Variants in UTRN observed in about 807,000 individuals in gnomAD.
The protein encoded by UTRN is utrophin.
Under a neutral mutation model 463.9 loss-of-function variants are expected in UTRN, and 283 were observed. That is an observed-to-expected ratio of 0.61 (90% confidence interval 0.55 to 0.67). The LOEUF is 0.67. UTRN is among the 30% of genes least tolerant of loss of function. The probability of loss-of-function intolerance (pLI) is 0.00; values close to 1 mark genes in which losing one functional copy is unlikely to be tolerated. For synonymous variants in UTRN, 1,442 were observed against 1,431.5 expected (o/e 1.01, Z -0.17); for missense variants, 3,922 against 4,084.3 (o/e 0.96, Z 1.08).
chr6:144,551,553 T>G (rs1373023645), intron 48 of UTRN, among the ~76,000 whole-genome samples: 1 of 152,208 alleles, frequency 6.6e-6, no homozygotes, highest in Non-Finnish European at 1.5e-5. Flanking sequence ...TTGGGGATAC[T>G]TTAGTTATAA....
intron 39 of UTRN, among the ~76,000 whole-genome samples, chr6:144,517,706 A>T (rs1795744281): frequency 6.6e-6 from 1 of 152,194 alleles, no homozygotes; most frequent in South Asian, 2.1e-4. Flanking sequence ...ACTGTGTTTC[A>T]GAATTGCCTA....
Position 144,285,511 on chromosome 6 carries a change from G to T in UTRN, c.-403G>T, listed in dbSNP as rs1021450618. Among the ~76,000 whole-genome samples the T allele has an allele frequency of 6.6e-5, 10 of 152,204 alleles. No individual in the cohort carries two copies. The highest frequency in any genetic ancestry group is 1.0e-4 in the Non-Finnish European group (7 of 68,028). ...AACTCTGTAGCGTTTGGCAAAGTTGGTGCCTGCGCGCCCCTTCCAGGTTTG... is the reference window on the plus strand; with the variant it reads ...AACTCTGTAGCGTTTGGCAAAGTTGTTGCCTGCGCGCCCCTTCCAGGTTTG... On this transcript the variant is annotated 5_prime_UTR_variant, in exon 1 of 75. Transcript: ENST00000367545.
intron 51 of UTRN, chr6:144,660,122 G>A: frequency 6.7e-6 from 3 of 448,794 alleles, no homozygotes; most frequent in Non-Finnish European, 1.4e-5. Flanking sequence ...ATTTTACAAA[G>A]GATTTTAAAG....
intron 33 of UTRN, among the ~76,000 whole-genome samples, chr6:144,497,375 G>C (rs13208080): frequency 6.6e-6 from 1 of 151,954 alleles, no homozygotes; most frequent in Admixed American, 6.6e-5. Context: ...TGAGATGGGT[G>C]CTGTAAGAAA....
At chr6:144,310,586 C>G (rs950691569) in intron 2 of UTRN, among the ~76,000 whole-genome samples, 1 of 146,698 alleles carries the variant, frequency 6.8e-6, no homozygotes, top group African/African-American at 2.5e-5. Flanking sequence ...CCTGTGGTCC[C>G]AGCTACCTGG....
intron 2 of UTRN, among the ~76,000 whole-genome samples, chr6:144,400,782 G>A (rs898681015): frequency 2.0e-5 from 3 of 152,112 alleles, no homozygotes; most frequent in Non-Finnish European, 4.4e-5. Flanking sequence ...TCGTTTACAG[G>A]CAAATAATTT....
At chr6:144,377,853 C>T (rs1035463465) in intron 2 of UTRN, among the ~76,000 whole-genome samples, 13 of 152,112 alleles carry the variant, frequency 8.5e-5, no homozygotes, top group Non-Finnish European at 1.3e-4. Context: ...ATTTCTTCAC[C>T]AAAAAATAAT....
At chr6:144,717,634 CTTTTTTT>C (rs869170852) in intron 53 of UTRN, among the ~76,000 whole-genome samples, 47 of 70,096 alleles carry the variant, frequency 6.7e-4, no homozygotes, top group African/African-American at 8.3e-4. Flanking sequence ...TTTCTTTTTT[CTTTTTTT>C]TTTTTTTTTT....
In UTRN at chr6:144,479,814, C is replaced by A. The variant is rs766611821; in HGVS notation, c.3339C>A (p.Ile1113=). ...QTQLEKLSKE[I]ATQKSRLSES... is the part of the protein sequence containing the mutation. Reference sequence around the variant, plus strand: ...GGGGAATGGCTTTTCCTTTGTAGATCGCTACTCAAAAAAGTAGGTTGTCTG... The same window carrying A: ...GGGGAATGGCTTTTCCTTTGTAGATAGCTACTCAAAAAAGTAGGTTGTCTG... The change falls in exon 26 of 75, where the codon ATC becomes ATA. Residue 1113 remains isoleucine, a splice_region_variant and synonymous_variant. Coordinates refer to ENST00000367545, the MANE Select transcript of UTRN (RefSeq NM_007124.3). The A allele has an allele frequency of 1.9e-6, 3 of 1,611,882 alleles. No homozygotes were observed. Among genetic ancestry groups the A allele is most frequent in the Non-Finnish European group, 1.7e-6 (2 of 1,179,042 alleles).
At chr6:144,337,359 G>A (rs528789926) in intron 2 of UTRN, among the ~76,000 whole-genome samples, 50 of 152,192 alleles carry the variant, frequency 3.3e-4, no homozygotes, top group Non-Finnish European at 6.6e-4. Context: ...CCTCATTAAG[G>A]GCTTTGGTGC....
intron 68 of UTRN, among the ~76,000 whole-genome samples, chr6:144,828,269 T>A (rs1780363220): frequency 6.6e-6 from 1 of 152,108 alleles, no homozygotes; most frequent in Admixed American, 6.6e-5. Context: ...TGGAATAATA[T>A]ACTCAAAAGC....
intron 55 of UTRN, among the ~76,000 whole-genome samples, chr6:144,750,597 T>C (rs1791286731): frequency 6.6e-6 from 1 of 152,204 alleles, no homozygotes; most frequent in Non-Finnish European, 1.5e-5. Flanking sequence ...GCTAATGGGA[T>C]GTTTACAACA....
intron 51 of UTRN, among the ~76,000 whole-genome samples, chr6:144,600,785 T>C (rs1241786681): frequency 6.6e-6 from 1 of 152,226 alleles, no homozygotes; most frequent in Non-Finnish European, 1.5e-5. Flanking sequence ...AAACAGCAGC[T>C]TTCAATTAGA....
Position 144,426,346 on chromosome 6 carries a change from C to G in UTRN, c.465C>G (p.Ile155Met). Residue 155 changes from isoleucine (I) to methionine (M), a missense_variant, in exon 7 of 75, where the codon ATC becomes ATG. By Grantham distance (10) the Ile-to-Met change is conservative. This residue lies in a region of UTRN where 264 missense variants were observed against 327.9 expected (regional missense o/e 0.81). Coordinates refer to ENST00000367545, the MANE Select transcript of UTRN (RefSeq NM_007124.3). ...SDLQQTNSEK[I>M]LLSWVRQTTR... ...TGCAGCAGACGAACAGTGAGAAGAT[C>G]CTGCTCAGCTGGGTGCGTCAGACCA... 6.2e-7 allele frequency: 1 copy of G among 1,614,140 alleles called. No individual in the cohort carries two copies. The highest frequency in any genetic ancestry group is 8.5e-7 in the Non-Finnish European group (1 of 1,180,012).
chr6:144,533,999 AT>A (rs1006224317), intron 43 of UTRN, among the ~76,000 whole-genome samples: 31 of 150,690 alleles, frequency 2.1e-4, no homozygotes, highest in African/African-American at 7.6e-4. Context: ...AAACTCCACG[AT>A]TTTTTTTTCT....
intron 25 of UTRN, among the ~76,000 whole-genome samples, chr6:144,475,660 G>T (rs146149611): frequency 1.3e-5 from 2 of 152,188 alleles, no homozygotes; most frequent in African/African-American, 4.8e-5. Context: ...GTATCACCCA[G>T]GCTGGAGTGC....
chr6:144,287,143 C>T (rs1181586006), intron 1 of UTRN, among the ~76,000 whole-genome samples: 1 of 152,158 alleles, frequency 6.6e-6, no homozygotes, highest in African/African-American at 2.4e-5. Context: ...ACGCAGCCTG[C>T]GGATAGCTCA....
Position 144,501,114 on chromosome 6 carries a change from G to C in UTRN, c.4764+1687G>C, listed in dbSNP as rs111984683. On this transcript the variant is annotated intron_variant, in intron 34 of 74. Transcript: ENST00000367545. ...AAGTTAAGATAGTAGACACTGGAAA[G>C]ACTATTCTCAGTTTAGAAAAAAGCT... Among the ~76,000 whole-genome samples the C allele has an allele frequency of 1.5e-3, 227 of 152,254 alleles. 2 individuals carry two copies. Among genetic ancestry groups the C allele is most frequent in the African/African-American group, 5.2e-3 (215 of 41,546 alleles).
intron 51 of UTRN, among the ~76,000 whole-genome samples, chr6:144,621,115 G>T (rs1775321868): frequency 6.6e-6 from 1 of 152,126 alleles, no homozygotes; most frequent in Non-Finnish European, 1.5e-5. Context: ...GTAATTAATG[G>T]TGGTATTACC....
Sources: gnomAD v4.1 joint callset for allele counts (sites outside exome capture counted in the v4.1 genomes callset) on GRCh38, gnomAD v4.1.1 for gene constraint, gnomAD v4.1.1 regional missense constraint, MANE v1.5 for transcripts, NCBI Gene and HGNC (gene_info 2026-07-23, HGNC 2026-07-21) for gene names.